Variants in AHNAK observed in about 807,000 individuals in gnomAD.
AHNAK encodes the protein AHNAK nucleoprotein, also known as neuroblast differentiation-associated protein AHNAK.
In AHNAK, 23 loss-of-function variants were observed where a neutral mutation model predicts 37.8. The ratio of observed to expected loss-of-function variants is 0.61; its 90% CI spans 0.44 to 0.86. AHNAK has a LOEUF of 0.86. Among genes scored for constraint, AHNAK ranks in the 40% least tolerant of loss-of-function variants. The probability of loss-of-function intolerance (pLI) is 0.00; values close to 1 mark genes in which losing one functional copy is unlikely to be tolerated. For synonymous variants in AHNAK, 2,481 were observed against 2,636.3 expected, an observed-to-expected ratio of 0.94 and a Z score of 1.80; for missense variants, 7,411 against 7,319.4, an observed-to-expected ratio of 1.01 and a Z score of -0.46.
intron 5 of AHNAK, among the ~76,000 whole-genome samples, chr11:62,451,764 A>G (rs1938543843): frequency 6.7e-6 from 1 of 149,956 alleles, no homozygotes; most frequent in African/African-American, 2.4e-5. Context: ...AATTAATCTC[A>G]TAGGATAGAT....
chr11:62,529,367 C>G lies in AHNAK; in HGVS notation c.5050G>C (p.Val1684Leu). The change falls in exon 5 of 5, where the codon GTG (valine) becomes CTG (leucine). Residue 1684 changes from valine (V) to leucine (L), a missense_variant. By Grantham distance (32) the Val-to-Leu change is conservative. Transcript: ENST00000378024. ...GGCCCTTTAATGTCAACATCTGGCACTTTCATTTCACCTTCTACCTTGGGC... is the reference window on the plus strand; with the variant it reads ...GGCCCTTTAATGTCAACATCTGGCAGTTTCATTTCACCTTCTACCTTGGGC... ...SVPKVEGEMK[V>L]PDVDIKGPKV... The G allele has an allele frequency of 6.2e-7, 1 of 1,614,022 alleles. No individual in the cohort carries two copies. The highest frequency in any genetic ancestry group is 8.5e-7 in the Non-Finnish European group (1 of 1,180,000).
At chr11:62,540,774 G>T (rs1298292841) in intron 1 of AHNAK, among the ~76,000 whole-genome samples, 1 of 152,260 alleles carries the variant, frequency 6.6e-6, no homozygotes, top group African/African-American at 2.4e-5. Flanking sequence ...CAGCTGCAAA[G>T]GTGAGAGCAC....
At chr11:62,479,307 A>C (rs910148920) in intron 5 of AHNAK, among the ~76,000 whole-genome samples, 1 of 150,982 alleles carries the variant, frequency 6.6e-6, no homozygotes, top group African/African-American at 2.4e-5. Context: ...AGCTGGGATT[A>C]CAGGCATGCA....
At position 62,520,052 on chromosome 11, in the gene AHNAK, T is replaced by C. The variant is rs745742088; in HGVS notation, c.14365A>G (p.Ser4789Gly). The C allele has an allele frequency of 6.2e-7, 1 of 1,613,084 alleles. No individual in the cohort carries two copies. Among genetic ancestry groups the C allele is most frequent in the Non-Finnish European group, 8.5e-7 (1 of 1,179,784 alleles). ...CCTTCTCCTTTGAAGCCAGGCATGC[T>C]GAATTTGGGCATTTTCACCTTGGGC... is the stretch of plus-strand genomic sequence containing the variant. ...KMPKVKMPKF[S>G]MPGFKGEGPD... is the part of the protein sequence containing the mutation. The change falls in exon 5 of 5, where the codon AGC (serine) becomes GGC (glycine). Residue 4789 changes from serine (S) to glycine (G), a missense_variant. Physicochemically the swap from Ser to Gly is moderately conservative, Grantham distance 56 (BLOSUM62 0). Coordinates refer to ENST00000378024, the MANE Select transcript of AHNAK (RefSeq NM_001620.3).
intron 5 of AHNAK, among the ~76,000 whole-genome samples, chr11:62,457,880 G>A (rs1590597360): frequency 1.3e-5 from 2 of 149,798 alleles, no homozygotes; most frequent in African/African-American, 4.9e-5. Context: ...TCCTACGCAT[G>A]TACCTCTGTA....
chr11:62,489,629 C>A (rs897476751), intron 5 of AHNAK, among the ~76,000 whole-genome samples: 3 of 151,992 alleles, frequency 2.0e-5, no homozygotes, highest in African/African-American at 7.3e-5. Flanking sequence ...GTTAGCAGAG[C>A]TGACCAGAGA....
intron 5 of AHNAK, among the ~76,000 whole-genome samples, chr11:62,473,441 A>T (rs1311744191): frequency 6.8e-6 from 1 of 147,346 alleles, no homozygotes; most frequent in Admixed American, 7.0e-5. Context: ...CACGCCTGTA[A>T]TCCCAGCACT....
At chr11:62,486,800 C>T (rs143839021) in intron 5 of AHNAK, among the ~76,000 whole-genome samples, 34 of 151,954 alleles carry the variant, frequency 2.2e-4, no homozygotes, top group African/African-American at 8.2e-4. Flanking sequence ...CACAGATTGG[C>T]CCACTGGCAA....
intron 5 of AHNAK, among the ~76,000 whole-genome samples, chr11:62,458,007 G>A (rs1158031227): frequency 1.3e-5 from 2 of 148,614 alleles, no homozygotes; most frequent in Non-Finnish European, 3.0e-5. Flanking sequence ...TCCACCTCCC[G>A]GTTTCCAGCG....
rs536706454 is a variant in AHNAK, at chr11:62,520,589, C to T, written c.13828G>A (p.Asp4610Asn). 4.5e-5 allele frequency: 73 copies of T among 1,614,156 alleles called. No individual in the cohort carries two copies. In the East Asian group the frequency reaches 1.2e-3, roughly 27 times the overall value. Residue 4610 changes from aspartate to asparagine, a missense_variant, in exon 5 of 5, where the codon GAC (aspartate) becomes AAC (asparagine). Coordinates refer to ENST00000378024, the MANE Select transcript of AHNAK (RefSeq NM_001620.3). ...ACTTTGGGCAGAGAAATGTCCATGT[C>T]GCCCTTCACCTTTGGACCTTTCAGA... ...LNLKGPKVKGDMDISLPKVEG... is the reference protein window; with the variant it reads ...LNLKGPKVKGNMDISLPKVEG...
At position 62,524,388 on chromosome 11, in the gene AHNAK, G is replaced by A. The variant is rs779600800; in HGVS notation, c.10029C>T (p.Ile3343=). The A allele has an allele frequency of 8.1e-6, 13 of 1,612,256 alleles. No homozygotes were observed. The highest frequency in any genetic ancestry group is 1.7e-4 in the Middle Eastern group (1 of 6,048). ...EVDVSGPKLN[I]EGKSKKSRFK... is the part of the protein sequence containing the mutation. Reference sequence around the variant, plus strand: ...AACGAGATTTCTTTGACTTGCCTTCGATATTAAGCTTAGGACCGGAAACGT... The same window carrying A: ...AACGAGATTTCTTTGACTTGCCTTCAATATTAAGCTTAGGACCGGAAACGT... The change falls in exon 5 of 5, where the codon ATC becomes ATT. Residue 3343 remains isoleucine, a synonymous_variant. Transcript: ENST00000378024.
downstream of AHNAK, among the ~76,000 whole-genome samples, chr11:62,511,890 C>T (rs1188557083): frequency 6.6e-6 from 1 of 152,056 alleles, no homozygotes; most frequent in Non-Finnish European, 1.5e-5. Context: ...GCTCTGTCAC[C>T]CAGGCTGGAG....
chr11:62,535,648 A>G (rs1432706800), intron 3 of AHNAK, among the ~76,000 whole-genome samples: 2 of 125,702 alleles, frequency 1.6e-5, no homozygotes, highest in East Asian at 2.1e-4. Flanking sequence ...AACTCCATCT[A>G]AAAAAAAAAA....
At position 62,532,156 on chromosome 11, in the gene AHNAK, A is replaced by G. The variant is rs1940777700; in HGVS notation, c.2261T>C (p.Met754Thr). 1 of 1,613,744 alleles carries G rather than the reference A, an allele frequency of 6.2e-7. No homozygotes were observed. Reference sequence around the variant, plus strand: ...GAACCCTGGCACACTGAATTTGGGCATTTTCATCTTGGGCATCTTCAAGTG... The same window carrying G: ...GAACCCTGGCACACTGAATTTGGGCGTTTTCATCTTGGGCATCTTCAAGTG... The part of the protein sequence containing the change: ...DWHLKMPKMK[M>T]PKFSVPGFKA... Residue 754 changes from methionine (M) to threonine (T), a missense_variant, in exon 5 of 5, where the codon ATG becomes ACG. By Grantham distance (81) the Met-to-Thr change is moderately conservative. Coordinates refer to ENST00000378024, the MANE Select transcript of AHNAK (RefSeq NM_001620.3).
At position 62,525,174 on chromosome 11, in the gene AHNAK, C is replaced by A. The variant is rs750762153; in HGVS notation, c.9243G>T (p.Met3081Ile). 3.1e-6 allele frequency: 5 copies of A among 1,613,128 alleles called. No individual in the cohort carries two copies. In the South Asian group the frequency reaches 5.5e-5, roughly 18 times the overall value. Reference sequence around the variant, plus strand: ...TGGGGGCTTTGATGTTCATCTCAGGCATTTTGAATTTGGGACCTTTCAACT... The same window carrying A: ...TGGGGGCTTTGATGTTCATCTCAGGAATTTTGAATTTGGGACCTTTCAACT... ...EGKLKGPKFK[M>I]PEMNIKAPKI... The change falls in exon 5 of 5, where the codon ATG (methionine) becomes ATT (isoleucine). Residue 3081 changes from methionine to isoleucine, a missense_variant. Coordinates refer to ENST00000378024, the MANE Select transcript of AHNAK (RefSeq NM_001620.3).
At chr11:62,466,447 C>T (rs7931901) in intron 5 of AHNAK, among the ~76,000 whole-genome samples, 2 of 150,588 alleles carry the variant, frequency 1.3e-5, no homozygotes, top group South Asian at 2.1e-4. Flanking sequence ...CCAAACTTAA[C>T]GTATCCAAAA....
In AHNAK at chr11:62,484,583, C is replaced by T. The variant is rs568553424; in HGVS notation, c.442+7149G>A. 2.0e-5 allele frequency among the ~76,000 whole-genome samples: 3 copies of T among 152,150 alleles called. No homozygotes were observed. In the East Asian group the frequency reaches 5.8e-4, roughly 29 times the overall value. The stretch of plus-strand genomic sequence containing the variant: ...TGGGATGGAAGCTTGGCTGCCAGAT[C>T]AAGGAACAGCAAGGAGCCCCTGTGG... On this transcript the variant is annotated intron_variant, in intron 5 of 5. Coordinates refer to the AHNAK transcript ENST00000257247.
chr11:62,464,432 C>T (rs1187721066), intron 5 of AHNAK, among the ~76,000 whole-genome samples: 1 of 151,962 alleles, frequency 6.6e-6, no homozygotes, highest in Non-Finnish European at 1.5e-5. Flanking sequence ...CTTTGGGAGG[C>T]TGAAGCGGGT....
chr11:62,443,000 C>G (rs1202086399), intron 5 of AHNAK, among the ~76,000 whole-genome samples: 2 of 151,484 alleles, frequency 1.3e-5, no homozygotes, highest in Non-Finnish European at 2.9e-5. Flanking sequence ...GAGACAGAGT[C>G]TCGCTCTGTC....
Sources: allele counts gnomAD v4.1 joint callset (sites outside exome capture counted in the v4.1 genomes callset), GRCh38; gene constraint gnomAD v4.1.1; transcripts MANE v1.5; gene names NCBI Gene and HGNC (gene_info 2026-07-23, HGNC 2026-07-21).